Variants in TMC1 observed in about 807,000 individuals in gnomAD.
TMC1 encodes the protein transmembrane channel-like protein 1.
In TMC1, 84 loss-of-function variants were observed where a neutral mutation model predicts 105.8. The observed-to-expected ratio is 0.79, with a 90% confidence interval of 0.67 to 0.95. The LOEUF (loss-of-function observed/expected upper bound fraction) is 0.95, where lower values mean the gene tolerates loss of function less well. Among genes scored for constraint, TMC1 ranks in the 40% least tolerant of loss-of-function variants. The probability of loss-of-function intolerance (pLI) is 0.00; values close to 1 mark genes in which losing one functional copy is unlikely to be tolerated. For synonymous variants in TMC1, 315 were observed against 311.5 expected (o/e 1.01, Z -0.12); for missense variants, 817 against 914.1 (o/e 0.89, Z 1.37).
At chr9:72,735,268 A>G (rs1827278711) in intron 8 of TMC1, among the ~76,000 whole-genome samples, 1 of 152,204 alleles carries the variant, frequency 6.6e-6, no homozygotes, top group Non-Finnish European at 1.5e-5. Flanking sequence ...GGGGTGGTAC[A>G]CATTTGTTTC....
chr9:72,592,177 C>T (rs757953896), intron 2 of TMC1, among the ~76,000 whole-genome samples: 5 of 152,244 alleles, frequency 3.3e-5, no homozygotes, highest in East Asian at 1.9e-4. Flanking sequence ...AACTAAATGA[C>T]GAGTTTCACT....
intron 1 of TMC1, among the ~76,000 whole-genome samples, chr9:72,526,622 C>G (rs1349928676): frequency 6.6e-6 from 1 of 152,122 alleles, no homozygotes; most frequent in Non-Finnish European, 1.5e-5. Context: ...CCAGACAAAA[C>G]AAGATTAACT....
intron 1 of TMC1, among the ~76,000 whole-genome samples, chr9:72,541,701 A>G (rs1444057590): frequency 6.9e-6 from 1 of 145,930 alleles, no homozygotes; most frequent in African/African-American, 2.6e-5. Flanking sequence ...AAAAAAAAAA[A>G]GAGCCTAGAA....
chr9:72,707,672 T>C (rs563552320), intron 8 of TMC1, among the ~76,000 whole-genome samples: 1 of 152,334 alleles, frequency 6.6e-6, no homozygotes, highest in African/African-American at 2.4e-5. Context: ...CTTTGTCAGA[T>C]GTAGAGATTG....
chr9:72,761,015 A>G (rs994973550), intron 12 of TMC1, among the ~76,000 whole-genome samples: 1 of 152,208 alleles, frequency 6.6e-6, no homozygotes, highest in Non-Finnish European at 1.5e-5. Flanking sequence ...CAAAGTCAGA[A>G]TTTACCATTT....
chr9:72,828,461 C>T (rs1432452546), intron 21 of TMC1, among the ~76,000 whole-genome samples: 4 of 151,914 alleles, frequency 2.6e-5, no homozygotes, highest in African/African-American at 7.3e-5. Context: ...TGTCAGATTT[C>T]GTTACCATAT....
At chr9:72,611,156 C>T (rs934699238) in intron 2 of TMC1, among the ~76,000 whole-genome samples, 6 of 152,138 alleles carry the variant, frequency 3.9e-5, no homozygotes, top group East Asian at 3.9e-4. Context: ...GAAATGTTGT[C>T]GGCTTTCTAC....
intron 19 of TMC1, among the ~76,000 whole-genome samples, chr9:72,817,477 A>G (rs1828805693): frequency 6.6e-6 from 1 of 152,064 alleles, no homozygotes; most frequent in Non-Finnish European, 1.5e-5. Flanking sequence ...CTGAGCTTTC[A>G]TTTCCTGGAG....
Position 72,820,929 on chromosome 9 carries a change from G to C in TMC1, c.1851G>C (p.Met617Ile). 2 of 1,614,158 alleles carry C rather than the reference G, an allele frequency of 1.2e-6. No individual in the cohort carries two copies. Among genetic ancestry groups the C allele is most frequent in the Non-Finnish European group, 1.7e-6 (2 of 1,180,032 alleles). ...TGTACTTCCAGTGCTGGGCCGTTAT[G>C]TGCTGCAATGTTCCTGAGGCCAGGG... ...TSMYFQCWAV[M>I]CCNVPEARVF... Residue 617 changes from methionine (M) to isoleucine (I), a missense_variant, in exon 20 of 24, where the codon ATG becomes ATC. Transcript: ENST00000297784.
chr9:72,825,178 T>C (rs34321886), intron 20 of TMC1, among the ~76,000 whole-genome samples: 10,976 of 152,260 alleles, frequency 0.072, 472 homozygotes, highest in African/African-American at 0.12. Flanking sequence ...TATTGTGCAC[T>C]AAGCACTAGA....
chr9:72,685,154 C>T (rs1245397022), intron 5 of TMC1, among the ~76,000 whole-genome samples: 5 of 137,762 alleles, frequency 3.6e-5, no homozygotes, highest in South Asian at 2.3e-4. Context: ...TCGCCCAGGC[C>T]AGAGTGCAGT....
chr9:72,555,491 C>A (rs889777981), intron 1 of TMC1, among the ~76,000 whole-genome samples: 5 of 152,000 alleles, frequency 3.3e-5, no homozygotes, highest in African/African-American at 1.2e-4. Flanking sequence ...CCGGCCCATA[C>A]TCACAGATTT....
At chr9:72,563,056 A>G (rs1160350837) in intron 1 of TMC1, among the ~76,000 whole-genome samples, 3 of 128,020 alleles carry the variant, frequency 2.3e-5, no homozygotes, top group Admixed American at 7.9e-5. Context: ...TAGTTAGCCA[A>G]TTCAAATATA....
chr9:72,562,074 A>G (rs1253107938), intron 1 of TMC1, among the ~76,000 whole-genome samples: 7 of 152,098 alleles, frequency 4.6e-5, no homozygotes, highest in Admixed American at 1.3e-4. Flanking sequence ...TTACAACATG[A>G]TCTTTACTAC....
chr9:72,663,500 A>C (rs1178436147), intron 5 of TMC1, among the ~76,000 whole-genome samples: 1 of 152,190 alleles, frequency 6.6e-6, no homozygotes, highest in Non-Finnish European at 1.5e-5. Flanking sequence ...TTTCAAAGTT[A>C]AACTATAAAC....
At position 72,537,556 on chromosome 9, in the gene TMC1, A is replaced by C. The variant is rs1194322796; in HGVS notation, c.-428+15643A>C. On this transcript the variant is annotated intron_variant, in intron 1 of 23. Transcript: ENST00000297784. ...CCAAAAAGTATCTGAGACAGGTCTC[A>C]ATCAATGTAAGGGTTTATTTTGCGA... is the stretch of plus-strand genomic sequence containing the variant. Among the ~76,000 whole-genome samples, 7 of 152,228 alleles carry C rather than the reference A, an allele frequency of 4.6e-5. No individual in the cohort carries two copies. The East Asian group carries it at 1.3e-3, about 29-fold the overall frequency.
intron 8 of TMC1, among the ~76,000 whole-genome samples, chr9:72,735,962 G>GACA (rs2118000163): frequency 6.6e-6 from 1 of 152,282 alleles, no homozygotes; most frequent in Non-Finnish European, 1.5e-5. Context: ...TAGCTAAAAT[G>GACA]GCTGTTCAGG....
At chr9:72,630,682 C>CTA (rs1825434919) in intron 4 of TMC1, among the ~76,000 whole-genome samples, 2 of 151,980 alleles carry the variant, frequency 1.3e-5, no homozygotes, top group African/African-American at 4.8e-5. Flanking sequence ...GCATATGTAT[C>CTA]TATATATATC....
At chr9:72,649,738 A>G (rs759353030) in intron 5 of TMC1, among the ~76,000 whole-genome samples, 14 of 152,154 alleles carry the variant, frequency 9.2e-5, no homozygotes, top group Non-Finnish European at 4.4e-5. Flanking sequence ...GTGGTTTTTC[A>G]TTAGTAAGAA....
Sources: allele counts gnomAD v4.1 joint callset (sites outside exome capture counted in the v4.1 genomes callset), GRCh38; gene constraint gnomAD v4.1.1; transcripts MANE v1.5; gene names NCBI Gene and HGNC (gene_info 2026-07-23, HGNC 2026-07-21).